The following OLFM3 variants were observed in gnomAD, a reference collection of about 807,000 sequenced individuals.
The protein encoded by OLFM3 is noelin-3.
In OLFM3, 20 loss-of-function variants were observed where a neutral mutation model predicts 48.6. The ratio of observed to expected loss-of-function variants is 0.41; its 90% CI spans 0.29 to 0.60. The LOEUF (loss-of-function observed/expected upper bound fraction) is 0.60, where lower values mean the gene tolerates loss of function less well. Ranked by LOEUF, OLFM3 falls within the 20% of genes least tolerant of loss-of-function variation. The pLI is 0.28. For missense variants in OLFM3, 437 were observed against 544.3 expected, an observed-to-expected ratio of 0.80 and a Z score of 1.96; for synonymous variants, 222 against 198.1, an observed-to-expected ratio of 1.12 and a Z score of -1.01.
intron 1 of OLFM3, among the ~76,000 whole-genome samples, chr1:101,991,016 A>AAAAAAAAAATAT (rs1553186119): frequency 1.2e-4 from 4 of 32,216 alleles, no homozygotes; most frequent in African/African-American, 3.4e-4. Flanking sequence ...AAAAAAAAAA[A>AAAAAAAAAATAT]ATATATATAT....
At chr1:101,921,798 C>T (rs1659102870) in intron 1 of OLFM3, among the ~76,000 whole-genome samples, 1 of 152,176 alleles carries the variant, frequency 6.6e-6, no homozygotes, top group African/African-American at 2.4e-5. Context: ...TGGCTCACGC[C>T]TGTAATCCCA....
intron 1 of OLFM3, among the ~76,000 whole-genome samples, chr1:101,966,196 C>T (rs1660602146): frequency 1.3e-5 from 2 of 151,558 alleles, no homozygotes; most frequent in Non-Finnish European, 2.9e-5. Context: ...ATTTTTGAGC[C>T]AGGGTCTTGC....
intron 1 of OLFM3, among the ~76,000 whole-genome samples, chr1:101,867,275 C>T (rs1283821324): frequency 3.3e-5 from 5 of 152,154 alleles, no homozygotes; most frequent in Non-Finnish European, 7.4e-5. Flanking sequence ...TAATTCTATC[C>T]TTTGTGATCT....
intron 1 of OLFM3, among the ~76,000 whole-genome samples, chr1:101,892,565 TC>T (rs1018519612): frequency 6.6e-6 from 1 of 152,078 alleles, no homozygotes; most frequent in African/African-American, 2.4e-5. Context: ...TTCTCTTTTC[TC>T]CTCCTTCCTC....
At chr1:101,920,928 G>GT (rs1296264382) in intron 1 of OLFM3, among the ~76,000 whole-genome samples, 1 of 152,122 alleles carries the variant, frequency 6.6e-6, no homozygotes, top group African/African-American at 2.4e-5. Context: ...TTTCTCAAAA[G>GT]TTTTTTCTTT....
intron 1 of OLFM3, among the ~76,000 whole-genome samples, chr1:101,990,487 T>A (rs1049112370): frequency 3.3e-5 from 5 of 152,182 alleles, no homozygotes; most frequent in Admixed American, 2.0e-4. Flanking sequence ...TAAATAATTG[T>A]ATAAGCTCCA....
chr1:101,887,118 T>C (rs901417281), intron 1 of OLFM3, among the ~76,000 whole-genome samples: 12 of 151,828 alleles, frequency 7.9e-5, no homozygotes, highest in African/African-American at 2.9e-4. Flanking sequence ...ATGCATAAAA[T>C]ATAGATACAG....
chr1:101,991,719 C>G (rs369548029), intron 1 of OLFM3, among the ~76,000 whole-genome samples: 3 of 149,290 alleles, frequency 2.0e-5, no homozygotes, highest in Non-Finnish European at 4.4e-5. Flanking sequence ...TTCAGACATA[C>G]TAGATTAATG....
At chr1:101,822,169 GT>G (rs1424040838) in intron 4 of OLFM3, among the ~76,000 whole-genome samples, 1 of 151,964 alleles carries the variant, frequency 6.6e-6, no homozygotes, top group Non-Finnish European at 1.5e-5. Flanking sequence ...AACAAATGGG[GT>G]TAAAAAAGAG....
intron 1 of OLFM3, among the ~76,000 whole-genome samples, chr1:101,986,176 A>G (rs975406484): frequency 6.6e-6 from 1 of 152,090 alleles, no homozygotes; most frequent in African/African-American, 2.4e-5. Flanking sequence ...AGTGTTAGCC[A>G]GGATGGTCTC....
At chr1:101,899,520 C>T (rs955327322) in intron 1 of OLFM3, among the ~76,000 whole-genome samples, 2 of 152,106 alleles carry the variant, frequency 1.3e-5, no homozygotes, top group African/African-American at 4.8e-5. Flanking sequence ...AGGTAGGATT[C>T]CACAAGGACA....
chr1:101,844,218 CT>C (rs1448430154), intron 1 of OLFM3, among the ~76,000 whole-genome samples: 1 of 152,066 alleles, frequency 6.6e-6, no homozygotes, highest in Non-Finnish European at 1.5e-5. Context: ...GGATTTTTTT[CT>C]TCTTTATAAA....
intron 1 of OLFM3, among the ~76,000 whole-genome samples, chr1:101,907,699 G>C (rs1353765514): frequency 6.6e-6 from 1 of 152,162 alleles, no homozygotes; most frequent in Non-Finnish European, 1.5e-5. Context: ...CTGCTCTAAG[G>C]CTAACTTGTA....
At chr1:101,876,300 A>T (rs1488694987) in intron 1 of OLFM3, among the ~76,000 whole-genome samples, 3 of 151,982 alleles carry the variant, frequency 2.0e-5, no homozygotes, top group African/African-American at 7.2e-5. Context: ...GCCAGAAGAC[A>T]GTGGTGTTAA....
chr1:101,925,703 T>A (rs1659250627), intron 1 of OLFM3, among the ~76,000 whole-genome samples: 1 of 151,946 alleles, frequency 6.6e-6, no homozygotes, highest in African/African-American at 2.4e-5. Flanking sequence ...ATTCTTTTTT[T>A]TTTTTGGTAG....
At chr1:101,818,780 G>A (rs1654461692) in intron 4 of OLFM3, among the ~76,000 whole-genome samples, 1 of 152,040 alleles carries the variant, frequency 6.6e-6, no homozygotes, top group Non-Finnish European at 1.5e-5. Context: ...AAAGCTTTTT[G>A]GCTTTGTAAA....
intron 1 of OLFM3, among the ~76,000 whole-genome samples, chr1:101,875,125 T>C (rs114645368): frequency 6.6e-6 from 1 of 152,060 alleles, no homozygotes; most frequent in Non-Finnish European, 1.5e-5. Flanking sequence ...AAAAATTAAA[T>C]GATTCTGTAT....
Position 101,818,089 on chromosome 1 carries a change from T to G in OLFM3, c.592+6937A>C, listed in dbSNP as rs1232498188. On this transcript the variant is annotated intron_variant, in intron 4 of 5. Transcript: ENST00000370103. ...TAACACAGTTTCACCTTTTAAATTA[T>G]TTTTGAAACTCCCTTGACTCTTCCT... Among the ~76,000 whole-genome samples the G allele has an allele frequency of 2.0e-5, 3 of 152,114 alleles. 1 individual carries two copies. The highest frequency in any genetic ancestry group is 4.4e-5 in the Non-Finnish European group (3 of 67,962).
intron 3 of OLFM3, among the ~76,000 whole-genome samples, chr1:101,827,292 C>G (rs927570431): frequency 6.6e-6 from 1 of 151,818 alleles, no homozygotes; most frequent in Non-Finnish European, 1.5e-5. Context: ...ATTCTTGATA[C>G]GATGGAAATT....
Sources: allele counts gnomAD v4.1 joint callset (sites outside exome capture counted in the v4.1 genomes callset), GRCh38; gene constraint gnomAD v4.1.1; transcripts MANE v1.5; gene names NCBI Gene and HGNC (gene_info 2026-07-23, HGNC 2026-07-21).